XKR4: variants seen among roughly 807,000 people sequenced by gnomAD.
XKR4 encodes XK related 4, also known as XK-related protein 4.
In XKR4, 12 loss-of-function variants were observed where a neutral mutation model predicts 53.9. That is an observed-to-expected ratio of 0.22 (90% CI 0.14 to 0.36). The LOEUF (loss-of-function observed/expected upper bound fraction) is 0.36, where lower values mean the gene tolerates loss of function less well. XKR4 is among the 10% of genes least tolerant of loss of function. The probability of loss-of-function intolerance (pLI) is 1.00; values close to 1 mark genes in which losing one functional copy is unlikely to be tolerated. For missense variants in XKR4, 799 were observed against 859.5 expected (o/e 0.93, Z 0.88); for synonymous variants, 354 against 362.4 (o/e 0.98, Z 0.26).
intron 2 of XKR4, among the ~76,000 whole-genome samples, chr8:55,471,690 G>A (rs993393689): frequency 3.3e-5 from 5 of 152,158 alleles, no homozygotes; most frequent in African/African-American, 1.2e-4. Flanking sequence ...CCTGGTGGGA[G>A]GTGATTGGAT....
In XKR4 at chr8:55,523,790, A is replaced by G; in HGVS notation, c.1516A>G (p.Met506Val). Residue 506 changes from methionine to valine, a missense_variant, in exon 3 of 3, where the codon ATG becomes GTG. By Grantham distance (21) the Met-to-Val change is conservative (BLOSUM62 1). Coordinates refer to ENST00000327381, the MANE Select transcript of XKR4 (RefSeq NM_052898.2). ...FSSFLTGVVF[M>V]LMYYAFFHPN... ...CAGCTTTTTAACTGGCGTTGTTTTT[A>G]TGCTGATGTATTATGCCTTCTTTCA... 1.2e-6 allele frequency: 2 copies of G among 1,614,066 alleles called. No homozygotes were observed. Among genetic ancestry groups the G allele is most frequent in the Non-Finnish European group, 1.7e-6 (2 of 1,180,022 alleles).
intron 2 of XKR4, among the ~76,000 whole-genome samples, chr8:55,436,892 A>G (rs1805185384): frequency 6.6e-6 from 1 of 152,176 alleles, no homozygotes; most frequent in Non-Finnish European, 1.5e-5. Flanking sequence ...CAAAGTCTCT[A>G]CATTCTGAGG....
At chr8:55,357,241 AT>A (rs1243463496) in intron 1 of XKR4, among the ~76,000 whole-genome samples, 2 of 152,194 alleles carry the variant, frequency 1.3e-5, no homozygotes, top group South Asian at 2.1e-4. Context: ...ATAAAAAGTG[AT>A]TTTTTAAGGC....
intron 2 of XKR4, among the ~76,000 whole-genome samples, chr8:55,466,487 G>A (rs745553425): frequency 2.6e-4 from 39 of 152,130 alleles, no homozygotes; most frequent in Non-Finnish European, 5.0e-4. Context: ...GACTGTTATG[G>A]AGTGGGGGGA....
intron 1 of XKR4, among the ~76,000 whole-genome samples, chr8:55,313,439 G>T (rs1819414429): frequency 6.6e-6 from 1 of 152,178 alleles, no homozygotes; most frequent in Non-Finnish European, 1.5e-5. Flanking sequence ...ACTGCCCCTG[G>T]CAGTTTCCTG....
chr8:55,318,124 T>C (rs1372408791), intron 1 of XKR4, among the ~76,000 whole-genome samples: 1 of 152,164 alleles, frequency 6.6e-6, no homozygotes, highest in Non-Finnish European at 1.5e-5. Flanking sequence ...CTTCTGACAC[T>C]AGATCATTTT....
intron 2 of XKR4, among the ~76,000 whole-genome samples, chr8:55,410,903 G>T (rs770206225): frequency 6.6e-6 from 1 of 152,004 alleles, no homozygotes; most frequent in Non-Finnish European, 1.5e-5. Context: ...CACACTGTGG[G>T]CATGCTGCTC....
At chr8:55,504,381 T>A (rs1340069565) in intron 2 of XKR4, among the ~76,000 whole-genome samples, 1 of 141,010 alleles carries the variant, frequency 7.1e-6, no homozygotes, top group African/African-American at 2.8e-5. Context: ...CCTGGCTAAT[T>A]TTTTTTTTTT....
intron 1 of XKR4, among the ~76,000 whole-genome samples, chr8:55,105,252 A>G (rs556548735): frequency 6.6e-6 from 1 of 150,788 alleles, no homozygotes; most frequent in African/African-American, 2.4e-5. Context: ...AATATACAGA[A>G]TGTGAGAAAT....
At chr8:55,280,145 G>A (rs1818821024) in intron 1 of XKR4, among the ~76,000 whole-genome samples, 1 of 152,180 alleles carries the variant, frequency 6.6e-6, no homozygotes, top group Non-Finnish European at 1.5e-5. Context: ...GTCTGTGTCA[G>A]GAGAGCACAG....
chr8:55,282,329 A>G (rs1818855243), intron 1 of XKR4, among the ~76,000 whole-genome samples: 1 of 152,108 alleles, frequency 6.6e-6, no homozygotes. Flanking sequence ...ATCTTAGTCA[A>G]TTTTCTGTTG....
intron 1 of XKR4, chr8:55,140,018 G>T (rs62516975): frequency 0.052 from 12,843 of 247,600 alleles, 474 homozygotes; most frequent in Non-Finnish European, 0.065. Context: ...AATTTCTAAG[G>T]TACCAAAAAT....
At chr8:55,519,232 A>G (rs555477567) in intron 2 of XKR4, among the ~76,000 whole-genome samples, 1 of 152,334 alleles carries the variant, frequency 6.6e-6, no homozygotes, top group East Asian at 1.9e-4. Flanking sequence ...AATCCCTTTT[A>G]GTCCCCTGTA....
At chr8:55,302,063 C>T (rs1244066557) in intron 1 of XKR4, among the ~76,000 whole-genome samples, 1 of 152,048 alleles carries the variant, frequency 6.6e-6, no homozygotes, top group East Asian at 1.9e-4. Flanking sequence ...GACATGAAGT[C>T]CTTGCCCATG....
At chr8:55,429,526 T>C (rs1210608599) in intron 2 of XKR4, among the ~76,000 whole-genome samples, 1 of 151,852 alleles carries the variant, frequency 6.6e-6, no homozygotes, top group Non-Finnish European at 1.5e-5. Flanking sequence ...CTGGGCAACA[T>C]AGCAAGACCT....
At chr8:55,319,289 T>G (rs532543595) in intron 1 of XKR4, among the ~76,000 whole-genome samples, 1 of 152,312 alleles carries the variant, frequency 6.6e-6, no homozygotes, top group Admixed American at 6.5e-5. Flanking sequence ...TAAGGTATAG[T>G]TTGCGATTTG....
chr8:55,511,939 T>C (rs1327358653), intron 2 of XKR4, among the ~76,000 whole-genome samples: 5 of 152,158 alleles, frequency 3.3e-5, no homozygotes, highest in Admixed American at 6.5e-5. Flanking sequence ...ATTGAAATGC[T>C]CCAGAGGGGG....
chr8:55,205,328 A>G (rs548933853), intron 1 of XKR4, among the ~76,000 whole-genome samples: 1 of 150,666 alleles, frequency 6.6e-6, no homozygotes, highest in African/African-American at 2.5e-5. Context: ...TTTGACATGT[A>G]TTTGTTGTCA....
At chr8:55,225,734 T>C (rs1817943164) in intron 1 of XKR4, among the ~76,000 whole-genome samples, 1 of 152,218 alleles carries the variant, frequency 6.6e-6, no homozygotes, top group African/African-American at 2.4e-5. Context: ...TTGTTTTGAA[T>C]AAGATGACAT....
Sources: gnomAD v4.1 joint callset for allele counts (sites outside exome capture counted in the v4.1 genomes callset) on GRCh38, gnomAD v4.1.1 for gene constraint, MANE v1.5 for transcripts, NCBI Gene and HGNC (gene_info 2026-07-23, HGNC 2026-07-21) for gene names.